The following ME2 variants were observed in gnomAD, a reference collection of about 807,000 sequenced individuals.
ME2 encodes NAD-dependent malic enzyme, mitochondrial.
A neutral mutation model predicts 73.7 loss-of-function variants in ME2; 60 were observed. The observed-to-expected ratio is 0.81, with a 90% confidence interval of 0.66 to 1.01. ME2 has a LOEUF of 1.01. Ranked by LOEUF, ME2 falls within the 50% of genes least tolerant of loss-of-function variation. The probability of loss-of-function intolerance (pLI) is 0.00; values close to 1 mark genes in which losing one functional copy is unlikely to be tolerated. For missense variants in ME2, 594 were observed against 705.5 expected, an observed-to-expected ratio of 0.84 and a Z score of 1.79; for synonymous variants, 199 against 236.9, an observed-to-expected ratio of 0.84 and a Z score of 1.47.
At position 50,947,603 on chromosome 18, in the gene ME2, A is replaced by G. The variant is rs1918117373; in HGVS notation, c.*419A>G. ...GATAGAAGTACAGAATTTTGAGAAG[A>G]AACTAAATTTTCACCAAATTTTAAG... On this transcript the variant is annotated 3_prime_UTR_variant, in exon 16 of 16. Transcript: ENST00000321341. 6.5e-6 allele frequency: 1 copy of G among 153,438 alleles called. No individual in the cohort carries two copies. Among genetic ancestry groups the G allele is most frequent in the Admixed American group, 6.5e-5 (1 of 15,328 alleles). 9.5% of individuals were successfully genotyped at this position (153,438 alleles called of 1,614,324 possible).
intron 1 of ME2, among the ~76,000 whole-genome samples, chr18:50,893,759 AC>A (rs1916666537): frequency 6.6e-6 from 1 of 151,776 alleles, no homozygotes; most frequent in Non-Finnish European, 1.5e-5. Flanking sequence ...TTTTCCTCTT[AC>A]TCTTTCTGCT....
chr18:50,919,609 A>G (rs959354582), intron 7 of ME2, among the ~76,000 whole-genome samples: 2 of 152,024 alleles, frequency 1.3e-5, no homozygotes, highest in East Asian at 1.9e-4. Context: ...TGCTTCCTGC[A>G]TCTTCTGCTT....
chr18:50,901,082 C>G (rs1215448395), intron 2 of ME2, among the ~76,000 whole-genome samples: 2 of 152,192 alleles, frequency 1.3e-5, no homozygotes, highest in African/African-American at 4.8e-5. Flanking sequence ...TTGTGATGAA[C>G]AGAGCTTGCC....
rs1917309347 is a variant in ME2 at position 50,917,377 on chromosome 18, C to G, written c.499C>G (p.Leu167Val). Residue 167 changes from leucine (L) to valine (V), a missense_variant, in exon 6 of 16, where the codon CTG (leucine) becomes GTG (valine). Coordinates refer to ENST00000321341, the MANE Select transcript of ME2 (RefSeq NM_002396.5). ...AVVVTDGERI[L>V]GLGDLGVYGM... The stretch of plus-strand genomic sequence containing the variant: ...TGTAGTGACTGATGGAGAGAGAATT[C>G]TGGGTCTTGGAGATCTGGGTGTCTA... 1 of 1,613,346 alleles carries G rather than the reference C, an allele frequency of 6.2e-7. No homozygotes were observed. Among genetic ancestry groups the G allele is most frequent in the Non-Finnish European group, 8.5e-7 (1 of 1,179,666 alleles).
intron 1 of ME2, among the ~76,000 whole-genome samples, chr18:50,880,050 C>G (rs1042915370): frequency 1.3e-5 from 2 of 152,208 alleles, no homozygotes; most frequent in Non-Finnish European, 2.9e-5. Flanking sequence ...TGTGGATTTA[C>G]CTTCCTGATG....
At chr18:50,902,500 C>T (rs964171857) in intron 2 of ME2, among the ~76,000 whole-genome samples, 1 of 152,196 alleles carries the variant, frequency 6.6e-6, no homozygotes, top group Non-Finnish European at 1.5e-5. Context: ...CAGGTTCAAG[C>T]GATTCTCCTG....
chr18:50,922,307 T>A (rs1917447329), intron 10 of ME2, among the ~76,000 whole-genome samples: 1 of 152,224 alleles, frequency 6.6e-6, no homozygotes, highest in South Asian at 2.1e-4. Flanking sequence ...GTTTTACAAA[T>A]GAAGAAACAG....
At chr18:50,894,528 G>A (rs191271658) in intron 1 of ME2, among the ~76,000 whole-genome samples, 319 of 146,706 alleles carry the variant, frequency 2.2e-3, no homozygotes, top group Non-Finnish European at 3.2e-3. Context: ...TGATCGCGCC[G>A]TTGCACTCCA....
chr18:50,917,021 C>T (rs1163619193), intron 5 of ME2: 1 of 173,970 alleles, frequency 5.7e-6, no homozygotes, highest in African/African-American at 2.4e-5. Flanking sequence ...TTATTTTTCT[C>T]TTATGGTAAT....
At chr18:50,943,788 T>A (rs923647715) in intron 15 of ME2, among the ~76,000 whole-genome samples, 1 of 152,174 alleles carries the variant, frequency 6.6e-6, no homozygotes, top group South Asian at 2.1e-4. Flanking sequence ...AATGCCAGGC[T>A]AAGGAGTATG....
intron 1 of ME2, among the ~76,000 whole-genome samples, chr18:50,887,824 A>G (rs1458014427): frequency 6.6e-6 from 1 of 152,242 alleles, no homozygotes; most frequent in South Asian, 2.1e-4. Context: ...TTATGCCATG[A>G]AAGAGACTGA....
intron 1 of ME2, among the ~76,000 whole-genome samples, chr18:50,883,042 G>T (rs528455553): frequency 2.0e-5 from 3 of 152,292 alleles, no homozygotes; most frequent in Non-Finnish European, 4.4e-5. Context: ...AGGTAGGAAG[G>T]TCATAGTTAC....
intron 2 of ME2, among the ~76,000 whole-genome samples, chr18:50,906,321 T>C (rs1232017214): frequency 2.6e-5 from 4 of 152,168 alleles, no homozygotes; most frequent in African/African-American, 7.2e-5. Flanking sequence ...ACTAATTCTT[T>C]TCTTTTTTTG....
intron 2 of ME2, among the ~76,000 whole-genome samples, chr18:50,905,340 A>G (rs1441077162): frequency 1.3e-5 from 2 of 151,962 alleles, no homozygotes; most frequent in African/African-American, 4.8e-5. Context: ...ATCTTGGGTG[A>G]CCTATTTTTA....
At chr18:50,899,041 C>A (rs890466409) in intron 2 of ME2, among the ~76,000 whole-genome samples, 2 of 152,238 alleles carry the variant, frequency 1.3e-5, no homozygotes, top group African/African-American at 4.8e-5. Context: ...AGTGGTTGAG[C>A]AAGTGAATCT....
At chr18:50,883,566 T>C (rs1017068205) in intron 1 of ME2, among the ~76,000 whole-genome samples, 4 of 152,238 alleles carry the variant, frequency 2.6e-5, no homozygotes, top group Non-Finnish European at 4.4e-5. Context: ...TATTCCAGTA[T>C]TCAAGAAACT....
At position 50,879,299 on chromosome 18, in the gene ME2, G is replaced by C. The variant is rs1916252028; in HGVS notation, c.-22G>C. 6.6e-6 allele frequency: 1 copy of C among 151,988 alleles called. No homozygotes were observed. The highest frequency in any genetic ancestry group is 2.1e-4 in the South Asian group (1 of 4,834). The allele number at this position is 151,988 out of a possible 1,614,324, so 9.4% of individuals were successfully genotyped here. On this transcript the variant is annotated 5_prime_UTR_variant, in exon 1 of 16. Coordinates refer to ENST00000321341, the MANE Select transcript of ME2 (RefSeq NM_002396.5). ...CCGGGTGTACCACCTGTCGCGGCGC[G>C]AGACCTCTGGTAAGGCCCGGCGCGG...
rs570442995 is a variant in ME2, at chr18:50,917,862, C to CT, written c.631-247dup. ...TGGTGGCACATGCTTGTAATCCCAG[C>CT]TACAAGGCTGAGGCAAGAGAATTGC... On this transcript the variant is annotated intron_variant, in intron 6 of 15. Coordinates refer to ENST00000321341, the MANE Select transcript of ME2 (RefSeq NM_002396.5). Among the ~76,000 whole-genome samples the CT allele has an allele frequency of 4.8e-3, 724 of 152,076 alleles. 6 individuals carry two copies. The highest frequency in any genetic ancestry group is 0.017 in the African/African-American group (702 of 41,480).
chr18:50,920,794 C>A, intron 9 of ME2, 36 bp downstream of exon 9: 1 of 1,454,468 alleles, frequency 6.9e-7, no homozygotes, highest in South Asian at 1.2e-5. Flanking sequence ...TTAAGCCTAT[C>A]CTCTCTTATA....
Sources: allele counts gnomAD v4.1 joint callset (sites outside exome capture counted in the v4.1 genomes callset), GRCh38; gene constraint gnomAD v4.1.1; transcripts MANE v1.5; gene names NCBI Gene and HGNC (gene_info 2026-07-23, HGNC 2026-07-21).